ZMYND8: variants seen among roughly 807,000 people sequenced by gnomAD.
The protein encoded by ZMYND8 is MYND-type zinc finger-containing chromatin reader ZMYND8.
ZMYND8 carries 37 observed loss-of-function variants against 140.8 expected under a neutral mutation model. That is an observed-to-expected ratio of 0.26 (90% confidence interval 0.20 to 0.35). ZMYND8 has a LOEUF of 0.35. ZMYND8 is among the 10% of genes least tolerant of loss of function. The pLI, the probability that ZMYND8 is intolerant of heterozygous loss-of-function variation, is 1.00. For missense variants in ZMYND8, 1,068 were observed against 1,570.0 expected (o/e 0.68, Z 5.40); for synonymous variants, 592 against 597.1 (o/e 0.99, Z 0.12).
At chr20:47,234,261 C>A (rs1044453777) in intron 16 of ZMYND8, among the ~76,000 whole-genome samples, 1 of 152,236 alleles carries the variant, frequency 6.6e-6, no homozygotes, top group Non-Finnish European at 1.5e-5. Context: ...GTTGCCCAGG[C>A]TGGTCCTGAA....
In ZMYND8 at chr20:47,293,148, AAGGG is replaced by A. The variant is rs768627350; in HGVS notation, c.568-1264_568-1261del. 1.4e-4 allele frequency among the ~76,000 whole-genome samples: 12 copies of A among 83,312 alleles called. 1 individual carries two copies. The highest frequency in any genetic ancestry group is 2.1e-4 in the Non-Finnish European group (10 of 47,404). 54.7% of individuals were successfully genotyped at this position (83,312 alleles called of 152,430 possible). A position where few individuals can be genotyped will look rare whatever the true frequency, so the allele number is the denominator to read the frequency against. Reference sequence around the variant, plus strand: ...GAAGGAAGGAAGGAAGGAAGGAAGGAAGGGAGGGAGGGAGGGAGGGAGGGAGGGA... The same window carrying A: ...GAAGGAAGGAAGGAAGGAAGGAAGGAAGGGAGGGAGGGAGGGAGGGAGGGA... On this transcript the variant is annotated intron_variant, in intron 5 of 22. Transcript: ENST00000471951.
At chr20:47,306,173 A>G (rs1212129918) in intron 3 of ZMYND8, among the ~76,000 whole-genome samples, 3 of 152,182 alleles carry the variant, frequency 2.0e-5, no homozygotes, top group Non-Finnish European at 4.4e-5. Context: ...GAATCACTTC[A>G]GCCCAGGAGT....
chr20:47,284,332 T>TC (rs2076790683), intron 8 of ZMYND8, among the ~76,000 whole-genome samples: 1 of 151,858 alleles, frequency 6.6e-6, no homozygotes, highest in South Asian at 2.1e-4. Flanking sequence ...CTTTAACCAT[T>TC]CCCCCCACCC....
intron 16 of ZMYND8, among the ~76,000 whole-genome samples, chr20:47,232,481 C>G (rs1188758478): frequency 6.6e-6 from 1 of 152,010 alleles, no homozygotes; most frequent in Non-Finnish European, 1.5e-5. Flanking sequence ...GTCGCTTGAA[C>G]CCAGGAGTGG....
intron 2 of ZMYND8, among the ~76,000 whole-genome samples, chr20:47,325,347 G>A (rs753745293): frequency 1.6e-4 from 24 of 152,086 alleles, no homozygotes; most frequent in Non-Finnish European, 2.6e-4. Context: ...GGCCTGGCTC[G>A]GAAGTACCCC....
At chr20:47,318,968 C>G in intron 2 of ZMYND8, 1 of 1,351,202 alleles carries the variant, frequency 7.4e-7, no homozygotes, top group Non-Finnish European at 9.8e-7. Context: ...TGAGAAAGTG[C>G]GGCTGCTCAG....
chr20:47,279,739 G>A (rs2076486040), intron 10 of ZMYND8, among the ~76,000 whole-genome samples: 1 of 147,732 alleles, frequency 6.8e-6, no homozygotes, highest in African/African-American at 2.5e-5. Context: ...TACATAAAAG[G>A]CAATTGGTTG....
At chr20:47,218,453 G>A (rs914650837) in intron 21 of ZMYND8, among the ~76,000 whole-genome samples, 2 of 152,066 alleles carry the variant, frequency 1.3e-5, no homozygotes, top group African/African-American at 4.8e-5. Context: ...TTAAACTTAT[G>A]TAACTTAGGT....
intron 16 of ZMYND8, among the ~76,000 whole-genome samples, chr20:47,233,197 G>A (rs184132259): frequency 1.6e-4 from 22 of 136,558 alleles, no homozygotes; most frequent in Non-Finnish European, 2.7e-4. Context: ...GTGAGACACC[G>A]CACCAGGCTT....
intron 2 of ZMYND8, among the ~76,000 whole-genome samples, chr20:47,312,582 A>C (rs6018406): frequency 0.37 from 56,248 of 151,962 alleles, 12,778 homozygotes; most frequent in African/African-American, 0.65. Context: ...GAAAGAGACA[A>C]AGAGGTCAGC....
At chr20:47,265,068 A>ATATATATATATATATATATAT (rs1555948705) in intron 11 of ZMYND8, among the ~76,000 whole-genome samples, 7 of 144,478 alleles carry the variant, frequency 4.8e-5, no homozygotes, top group South Asian at 2.2e-4. Flanking sequence ...ATATATATAT[A>ATATATATATATATATATATAT]GGCATTTTAA....
intron 2 of ZMYND8, among the ~76,000 whole-genome samples, chr20:47,335,155 G>C (rs572605826): frequency 6.6e-6 from 1 of 152,006 alleles, no homozygotes; most frequent in African/African-American, 2.4e-5. Context: ...GCTGCAGTGG[G>C]AGGACTGCTT....
chr20:47,287,377 T>G, intron 7 of ZMYND8, 93 bp from the exon 8 acceptor site: 1 of 1,107,296 alleles, frequency 9.0e-7, no homozygotes, highest in South Asian at 1.3e-5. Flanking sequence ...GTTTACTTGC[T>G]TTTCCCCCAG....
intron 12 of ZMYND8, among the ~76,000 whole-genome samples, chr20:47,252,873 C>T (rs1008144663): frequency 6.6e-6 from 1 of 152,196 alleles, no homozygotes; most frequent in African/African-American, 2.4e-5. Flanking sequence ...GAGCCGAGAT[C>T]AGGCCACTGC....
In ZMYND8 at chr20:47,227,281, T is replaced by A; in HGVS notation, c.2938A>T (p.Ile980Phe). The change falls in exon 18 of 23, where the codon ATT becomes TTT. Residue 980 changes from isoleucine (I) to phenylalanine (F), a missense_variant and splice_region_variant. Around this residue, in one of 10 missense-constraint regions of ZMYND8, gnomAD observed 87 missense variants for 151.1 expected, o/e 0.58. Transcript: ENST00000471951. ...KNTTGSTIAEIRRLRIEIEKL... is the reference protein window; with the variant it reads ...KNTTGSTIAEFRRLRIEIEKL... The stretch of plus-strand genomic sequence containing the variant: ...TCTATCTCGATCCTCAGCCTGCGAA[T>A]CTGGAAGAGGGAGAGTGAGCGTCTT... 1 of 1,614,162 alleles carries A rather than the reference T, an allele frequency of 6.2e-7. No individual in the cohort carries two copies. Among genetic ancestry groups the A allele is most frequent in the Non-Finnish European group, 8.5e-7 (1 of 1,180,004 alleles).
intron 7 of ZMYND8, among the ~76,000 whole-genome samples, chr20:47,288,344 T>C (rs1215213036): frequency 6.6e-6 from 1 of 151,784 alleles, no homozygotes; most frequent in African/African-American, 2.4e-5. Flanking sequence ...TATAATTTGA[T>C]AGGCGGGGCC....
intron 3 of ZMYND8, among the ~76,000 whole-genome samples, chr20:47,305,246 T>TA (rs1323963075): frequency 2.0e-5 from 3 of 151,392 alleles, no homozygotes; most frequent in Non-Finnish European, 3.0e-5. Context: ...CCTGCCTCTT[T>TA]TTTTTTTTTC....
At position 47,298,615 on chromosome 20, in the gene ZMYND8, C is replaced by A; in HGVS notation, c.453+114G>T. ...TGACCAGGATAGAACAGGTGGAAAG[C>A]AAGAAATTTCTCTTTTCCATCTATC... is the stretch of plus-strand genomic sequence containing the variant. On this transcript the variant is annotated intron_variant, in intron 4 of 22. Transcript: ENST00000471951. The surrounding 1 kb of genome is among the most constrained non-coding windows in gnomAD (Gnocchi z 5.0). 1.3e-6 allele frequency: 2 copies of A among 1,509,228 alleles called. No individual in the cohort carries two copies. The highest frequency in any genetic ancestry group is 1.8e-6 in the Non-Finnish European group (2 of 1,127,458). The allele number at this position is 1,509,228 out of a possible 1,614,324, so 93.5% of individuals were successfully genotyped here.
chr20:47,322,548 C>G (rs1291501403), intron 2 of ZMYND8, among the ~76,000 whole-genome samples: 1 of 150,776 alleles, frequency 6.6e-6, no homozygotes, highest in Non-Finnish European at 1.5e-5. Flanking sequence ...TCAAGTGATT[C>G]CCCTGCCTCA....
Sources: gnomAD v4.1 joint callset for allele counts (sites outside exome capture counted in the v4.1 genomes callset) on GRCh38, gnomAD v4.1.1 for gene constraint, gnomAD v4.1.1 regional missense constraint, Gnocchi (gnomAD v3.1) non-coding constraint, MANE v1.5 for transcripts, NCBI Gene and HGNC (gene_info 2026-07-23, HGNC 2026-07-21) for gene names.